ARHGAP15: variants seen among roughly 807,000 people sequenced by gnomAD.
ARHGAP15 encodes Rho GTPase activating protein 15.
Under a neutral mutation model 63.7 loss-of-function variants are expected in ARHGAP15, and 51 were observed. That is an observed-to-expected ratio of 0.80 (90% CI 0.64 to 1.01). The LOEUF (loss-of-function observed/expected upper bound fraction) is 1.01. ARHGAP15 is among the 50% of genes least tolerant of loss of function. The pLI, the probability that ARHGAP15 is intolerant of heterozygous loss-of-function variation, is 0.00. For missense variants in ARHGAP15, 560 were observed against 564.6 expected, an observed-to-expected ratio of 0.99 and a Z score of 0.08; for synonymous variants, 191 against 193.8, an observed-to-expected ratio of 0.99 and a Z score of 0.12.
intron 6 of ARHGAP15, among the ~76,000 whole-genome samples, chr2:143,346,019 A>G (rs529631633): frequency 2.5e-4 from 38 of 152,110 alleles, no homozygotes; most frequent in African/African-American, 8.9e-4. Flanking sequence ...TTGAGTCATG[A>G]TTGTACAATC....
intron 12 of ARHGAP15, among the ~76,000 whole-genome samples, chr2:143,634,314 G>A (rs557794198): frequency 3.9e-5 from 6 of 152,048 alleles, no homozygotes; most frequent in South Asian, 4.1e-4. Flanking sequence ...TACCCGCACC[G>A]CACACCACCA....
At chr2:143,510,018 T>TAAAAAAAAAAAAAAAAA (rs35469918) in intron 9 of ARHGAP15, among the ~76,000 whole-genome samples, 3 of 48,828 alleles carry the variant, frequency 6.1e-5, no homozygotes, top group Non-Finnish European at 7.1e-5. Context: ...GACTCCCTCT[T>TAAAAAAAAAAAAAAAAA]AAAAAAAAAA....
chr2:143,408,548 C>T (rs1688311693), intron 6 of ARHGAP15, among the ~76,000 whole-genome samples: 1 of 151,616 alleles, frequency 6.6e-6, no homozygotes, highest in Non-Finnish European at 1.5e-5. Context: ...CTTAGAACTC[C>T]CCCACTCATT....
chr2:143,438,152 A>G (rs967318800), intron 8 of ARHGAP15, among the ~76,000 whole-genome samples: 2 of 152,042 alleles, frequency 1.3e-5, no homozygotes, highest in East Asian at 3.9e-4. Flanking sequence ...TTTTCCTGCT[A>G]TTTCCCTCTG....
At chr2:143,266,500 G>A (rs981925706) in intron 6 of ARHGAP15, among the ~76,000 whole-genome samples, 5 of 152,076 alleles carry the variant, frequency 3.3e-5, no homozygotes, top group African/African-American at 4.8e-5. Context: ...TTGTATGAAG[G>A]TAGATTGCTT....
intron 5 of ARHGAP15, among the ~76,000 whole-genome samples, chr2:143,240,076 C>T (rs559502743): frequency 8.9e-5 from 13 of 145,366 alleles, no homozygotes; most frequent in Non-Finnish European, 1.8e-4. Flanking sequence ...CGTAGGAGGT[C>T]GAAGCAGGAG....
At chr2:143,428,906 T>C (rs4662330) in intron 6 of ARHGAP15, among the ~76,000 whole-genome samples, 33,264 of 151,974 alleles carry the variant, frequency 0.22, 4,166 homozygotes, top group Admixed American at 0.33. Flanking sequence ...GATCTGTGGT[T>C]GGCAGGGAGT....
intron 6 of ARHGAP15, among the ~76,000 whole-genome samples, chr2:143,384,227 G>A (rs1488103694): frequency 6.6e-6 from 1 of 151,778 alleles, no homozygotes; most frequent in East Asian, 1.9e-4. Flanking sequence ...TGGAGTTGAT[G>A]GAGATAAAAA....
chr2:143,176,282 C>CGTA lies in ARHGAP15; in HGVS notation c.165+20627_165+20628insGTA, dbSNP rs1041962610. ...ATATTATTCACCTATATCAATGAAA[C>CGTA]ATTTTACTCAGTTTTAGTTGCAGTT... On this transcript the variant is annotated intron_variant, in intron 2 of 13. Transcript: ENST00000295095. 1.1e-4 allele frequency among the ~76,000 whole-genome samples: 16 copies of CGTA among 152,154 alleles called. 1 individual carries two copies. In the East Asian group the frequency reaches 1.9e-3, roughly 18 times the overall value.
rs866707334 is a variant in ARHGAP15 at position 143,560,714 on chromosome 2, G to A, written c.1003+4229G>A. On this transcript the variant is annotated intron_variant, in intron 11 of 13. Transcript: ENST00000295095. Reference sequence around the variant, plus strand: ...TTGTTCAAGAGCTATTTGGAGAAACGCCAAACATCACAGTTAGGAAGAAGC... The same window carrying A: ...TTGTTCAAGAGCTATTTGGAGAAACACCAAACATCACAGTTAGGAAGAAGC... Among the ~76,000 whole-genome samples, 16 of 152,276 alleles carry A rather than the reference G, an allele frequency of 1.1e-4. No individual in the cohort carries two copies. The Middle Eastern group carries it at 0.014, about 129-fold the overall frequency.
At chr2:143,590,605 C>T (rs553254183) in intron 11 of ARHGAP15, among the ~76,000 whole-genome samples, 181 of 152,290 alleles carry the variant, frequency 1.2e-3, no homozygotes, top group African/African-American at 4.1e-3. Flanking sequence ...ACCATCCATT[C>T]CTCCTGGGTA....
At chr2:143,521,142 G>T (rs545063967) in intron 10 of ARHGAP15, among the ~76,000 whole-genome samples, 6 of 152,048 alleles carry the variant, frequency 3.9e-5, no homozygotes, top group East Asian at 1.9e-4. Context: ...CTAAACAGGC[G>T]CTAATCACAC....
At chr2:143,188,115 G>A (rs1285311948) in intron 2 of ARHGAP15, among the ~76,000 whole-genome samples, 1 of 151,764 alleles carries the variant, frequency 6.6e-6, no homozygotes, top group African/African-American at 2.4e-5. Context: ...TGTTTTCCCT[G>A]ATTTATCTGT....
intron 8 of ARHGAP15, among the ~76,000 whole-genome samples, chr2:143,458,208 T>C (rs1173568085): frequency 6.6e-6 from 1 of 152,184 alleles, no homozygotes; most frequent in Admixed American, 6.6e-5. Context: ...GATGTTAATC[T>C]TCTAACTGGT....
intron 6 of ARHGAP15, among the ~76,000 whole-genome samples, chr2:143,304,997 A>G (rs995086264): frequency 7.9e-5 from 12 of 152,114 alleles, no homozygotes; most frequent in Non-Finnish European, 1.5e-4. Flanking sequence ...AAGGATTATA[A>G]ATCATTCTAC....
chr2:143,624,130 C>T lies in ARHGAP15; in HGVS notation c.1004-3C>T. 6.2e-7 allele frequency: 1 copy of T among 1,612,806 alleles called. No individual in the cohort carries two copies. The highest frequency in any genetic ancestry group is 8.5e-7 in the Non-Finnish European group (1 of 1,179,238). ...TGTTCCATTTCTCCTCGTGTTTTCC[C>T]AGAAGAGAAGCTGAATTTGGACGAC... On this transcript the variant is annotated splice_polypyrimidine_tract_variant and splice_region_variant and intron_variant, in intron 11 of 13. Coordinates refer to ENST00000295095, the MANE Select transcript of ARHGAP15 (RefSeq NM_018460.4).
At chr2:143,659,260 T>C (rs1437470464) in intron 12 of ARHGAP15, among the ~76,000 whole-genome samples, 1 of 152,164 alleles carries the variant, frequency 6.6e-6, no homozygotes, top group Non-Finnish European at 1.5e-5. Flanking sequence ...TAACAATAAC[T>C]AAAATTTCTA....
At position 143,144,250 on chromosome 2, in the gene ARHGAP15, T is replaced by C. The variant is rs1056817958; in HGVS notation, c.-14-11227T>C. On this transcript the variant is annotated intron_variant, in intron 1 of 13. Transcript: ENST00000295095. ...TACACATGCATAAAGGGATGATTTA[T>C]ATTCCTTTGGGTATATACCTAGTAA... Among the ~76,000 whole-genome samples the C allele has an allele frequency of 2.6e-5, 4 of 152,184 alleles. No homozygotes were observed. In the East Asian group the frequency reaches 7.8e-4, roughly 30 times the overall value.
At chr2:143,491,931 G>C (rs1435558404) in intron 9 of ARHGAP15, among the ~76,000 whole-genome samples, 2 of 151,976 alleles carry the variant, frequency 1.3e-5, no homozygotes, top group African/African-American at 4.8e-5. Context: ...ACCCAGGCTG[G>C]AGTGCTGTGG....
Sources: gnomAD v4.1 joint callset for allele counts (sites outside exome capture counted in the v4.1 genomes callset) on GRCh38, gnomAD v4.1.1 for gene constraint, MANE v1.5 for transcripts, NCBI Gene and HGNC (gene_info 2026-07-23, HGNC 2026-07-21) for gene names.